The following CPED1 variants were observed in gnomAD, a reference collection of about 807,000 sequenced individuals.
The protein encoded by CPED1 is cadherin-like and PC-esterase domain-containing protein 1.
CPED1 carries 114 observed loss-of-function variants against 128.2 expected under a neutral mutation model. That is an observed-to-expected ratio of 0.89 (90% CI 0.76 to 1.04). CPED1 has a LOEUF of 1.04. CPED1 is among the 50% of genes least tolerant of loss of function. CPED1 has a pLI of 0.00. For missense variants in CPED1, 1,211 were observed against 1,207.1 expected, an observed-to-expected ratio of 1.00 and a Z score of -0.05; for synonymous variants, 462 against 426.7, an observed-to-expected ratio of 1.08 and a Z score of -1.02.
chr7:121,033,798 ATTCT>A (rs1383048996), intron 3 of CPED1, among the ~76,000 whole-genome samples: 8 of 152,132 alleles, frequency 5.3e-5, no homozygotes, highest in Non-Finnish European at 1.0e-4. Context: ...GAGACAGTTG[ATTCT>A]TTTTCTCATG....
chr7:121,158,955 C>CA (rs777886090), intron 16 of CPED1, among the ~76,000 whole-genome samples: 27 of 152,056 alleles, frequency 1.8e-4, no homozygotes, highest in Non-Finnish European at 3.1e-4. Flanking sequence ...TGCCATTATC[C>CA]AGTTAGAACA....
intron 2 of CPED1, among the ~76,000 whole-genome samples, chr7:120,995,676 C>A (rs1442704139): frequency 6.6e-6 from 1 of 152,074 alleles, no homozygotes. Flanking sequence ...ATGAATAGGA[C>A]CTGTCACCCA....
intron 16 of CPED1, among the ~76,000 whole-genome samples, chr7:121,146,495 C>A (rs1179024139): frequency 6.6e-6 from 1 of 152,114 alleles, no homozygotes; most frequent in African/African-American, 2.4e-5. Context: ...TAAGATTAAT[C>A]AAGCCTCCTA....
chr7:121,247,887 GGGCCAACTT>G, intron 18 of CPED1, among the ~76,000 whole-genome samples: 1 of 152,254 alleles, frequency 6.6e-6, no homozygotes, highest in South Asian at 2.1e-4. Context: ...GAAGAAAATA[GGGCCAACTT>G]CCCCACAGGA....
chr7:121,116,980 A>G (rs1420400689), intron 7 of CPED1, among the ~76,000 whole-genome samples: 1 of 81,378 alleles, frequency 1.2e-5, no homozygotes. Context: ...ATATATATAC[A>G]CACACACACA....
intron 16 of CPED1, among the ~76,000 whole-genome samples, chr7:121,215,914 T>C (rs1020365487): frequency 2.6e-5 from 4 of 151,930 alleles, no homozygotes; most frequent in African/African-American, 7.2e-5. Flanking sequence ...ATGACAGTAA[T>C]GGCAATAATA....
intron 6 of CPED1, among the ~76,000 whole-genome samples, chr7:121,098,768 AT>A (rs1794763200): frequency 9.3e-5 from 1 of 10,732 alleles, no homozygotes; most frequent in Non-Finnish European, 1.9e-4. Context: ...ATATATATAA[AT>A]ATATATATAT....
intron 16 of CPED1, among the ~76,000 whole-genome samples, chr7:121,170,102 TG>T (rs1361910388): frequency 1.3e-5 from 2 of 152,202 alleles, no homozygotes; most frequent in Admixed American, 1.3e-4. Context: ...ACAAAGCACG[TG>T]GTATAAGGTC....
At chr7:121,150,803 C>G (rs957155543) in intron 16 of CPED1, among the ~76,000 whole-genome samples, 1 of 151,952 alleles carries the variant, frequency 6.6e-6, no homozygotes, top group Admixed American at 6.6e-5. Context: ...GAGTCTCGCT[C>G]TGTCACCCAG....
At chr7:121,074,481 C>T (rs533640946) in intron 5 of CPED1, among the ~76,000 whole-genome samples, 1 of 141,032 alleles carries the variant, frequency 7.1e-6, no homozygotes, top group Admixed American at 7.3e-5. Context: ...GTGCTCACTT[C>T]ACTTCCTTAC....
intron 4 of CPED1, among the ~76,000 whole-genome samples, chr7:121,056,773 T>G (rs1793509929): frequency 1.3e-5 from 2 of 152,170 alleles, no homozygotes; most frequent in South Asian, 4.1e-4. Context: ...TATACCTGCT[T>G]CACTTTTAAA....
chr7:121,031,708 CT>C (rs1208650833), intron 3 of CPED1, among the ~76,000 whole-genome samples: 2 of 152,058 alleles, frequency 1.3e-5, no homozygotes, highest in African/African-American at 4.8e-5. Context: ...GGATATTTAT[CT>C]CATCAGATTA....
At chr7:121,170,487 A>G (rs1308055691) in intron 16 of CPED1, among the ~76,000 whole-genome samples, 1 of 152,144 alleles carries the variant, frequency 6.6e-6, no homozygotes, top group Non-Finnish European at 1.5e-5. Flanking sequence ...AAATGAACTT[A>G]CTAGTAATAG....
At chr7:121,113,690 T>C in intron 7 of CPED1, among the ~76,000 whole-genome samples, 1 of 151,840 alleles carries the variant, frequency 6.6e-6, no homozygotes, top group Non-Finnish European at 1.5e-5. Flanking sequence ...GACACAGGAT[T>C]TGTGGAGTAG....
Position 121,093,147 on chromosome 7 carries a change from G to T in CPED1, c.617-4552G>T, listed in dbSNP as rs180925237. On this transcript the variant is annotated intron_variant, in intron 5 of 22. Coordinates refer to ENST00000310396, the MANE Select transcript of CPED1 (RefSeq NM_024913.5). ...CCCCTTTTTGCCATTTCTACCTACT[G>T]ACATTCTAGACACTGGAACTGTTTT... is the stretch of plus-strand genomic sequence containing the variant. Among the ~76,000 whole-genome samples the T allele has an allele frequency of 4.4e-3, 667 of 152,120 alleles. 13 individuals are homozygous for T. The highest frequency in any genetic ancestry group is 0.041 in the Admixed American group (628 of 15,284).
Position 120,989,534 on chromosome 7 carries a change from A to G in CPED1, c.-88A>G. ...TTGATTGGAGTTGGGGAAAAAGAAG[A>G]CAGATTAGTATTTTTCATGCTGACA... On this transcript the variant is annotated 5_prime_UTR_variant, in exon 2 of 23. Coordinates refer to ENST00000310396, the MANE Select transcript of CPED1 (RefSeq NM_024913.5). 2.0e-6 allele frequency: 3 copies of G among 1,503,350 alleles called. No individual in the cohort carries two copies. Among genetic ancestry groups the G allele is most frequent in the Non-Finnish European group, 2.7e-6 (3 of 1,109,290 alleles). 93.1% of individuals were successfully genotyped at this position (1,503,350 alleles called of 1,614,324 possible).
intron 7 of CPED1, among the ~76,000 whole-genome samples, chr7:121,106,783 C>T (rs1563028033): frequency 1.3e-5 from 2 of 152,020 alleles, no homozygotes; most frequent in Non-Finnish European, 2.9e-5. Flanking sequence ...AAGTGTATTG[C>T]CCGTGAACTT....
chr7:121,124,810 TAATA>T (rs1383435334), intron 8 of CPED1, among the ~76,000 whole-genome samples: 1 of 152,218 alleles, frequency 6.6e-6, no homozygotes, highest in Admixed American at 6.5e-5. Context: ...TACTTATACA[TAATA>T]AATTTCATTC....
At chr7:121,119,998 T>C (rs1795348009) in intron 7 of CPED1, among the ~76,000 whole-genome samples, 2 of 152,222 alleles carry the variant, frequency 1.3e-5, no homozygotes, top group Admixed American at 1.3e-4. Flanking sequence ...ATTTCCTTCC[T>C]TTTTAAGGCT....
Sources: gnomAD v4.1 joint callset for allele counts (sites outside exome capture counted in the v4.1 genomes callset) on GRCh38, gnomAD v4.1.1 for gene constraint, MANE v1.5 for transcripts, NCBI Gene and HGNC (gene_info 2026-07-23, HGNC 2026-07-21) for gene names.